AP4E1: variants seen among roughly 807,000 people sequenced by gnomAD.
AP4E1 encodes the protein adaptor related protein complex 4 subunit epsilon 1.
Under a neutral mutation model 128.2 loss-of-function variants are expected in AP4E1, and 56 were observed. The ratio of observed to expected loss-of-function variants is 0.44; its 90% confidence interval spans 0.35 to 0.55. The LOEUF is 0.55. AP4E1 is among the 20% of genes least tolerant of loss of function. The pLI, the probability that AP4E1 is intolerant of heterozygous loss-of-function variation, is 0.00. For missense variants in AP4E1, 1,324 were observed against 1,307.7 expected (o/e 1.01, Z -0.19); for synonymous variants, 484 against 473.1 (o/e 1.02, Z -0.30).
Position 50,908,852 on chromosome 15 carries a change from C to T in AP4E1, c.74C>T (p.Pro25Leu), listed in dbSNP as rs756152684. ...LFLQNQPGGG[P>L]AAAKASFSSR... ...CTGCAGAACCAGCCCGGTGGTGGGC[C>T]CGCGGCCGCCAAGGCGTCCTTCTCC... The change falls in exon 1 of 21, where the codon CCC becomes CTC. Residue 25 changes from proline to leucine, a missense_variant. Transcript: ENST00000261842. 7.5e-6 allele frequency: 12 copies of T among 1,608,346 alleles called. No individual in the cohort carries two copies. Among genetic ancestry groups the T allele is most frequent in the Non-Finnish European group, 1.0e-5 (12 of 1,178,444 alleles).
chr15:50,908,854 G>A lies in AP4E1; in HGVS notation c.76G>A (p.Ala26Thr). ...FLQNQPGGGP[A>T]AAKASFSSRL... ...GCAGAACCAGCCCGGTGGTGGGCCC[G>A]CGGCCGCCAAGGCGTCCTTCTCCTC... Residue 26 changes from alanine (A) to threonine (T), a missense_variant, in exon 1 of 21, where the codon GCG becomes ACG. Transcript: ENST00000261842. The A allele has an allele frequency of 6.2e-7, 1 of 1,608,440 alleles. No individual in the cohort carries two copies. The highest frequency in any genetic ancestry group is 8.5e-7 in the Non-Finnish European group (1 of 1,178,434).
intron 16 of AP4E1, among the ~76,000 whole-genome samples, chr15:50,988,448 G>A (rs1174594844): frequency 3.3e-5 from 5 of 152,044 alleles, no homozygotes; most frequent in African/African-American, 9.7e-5. Flanking sequence ...CCGAGTAGCT[G>A]GGATTACAGG....
chr15:50,989,691 C>T (rs1023191586), intron 16 of AP4E1, among the ~76,000 whole-genome samples: 2 of 152,052 alleles, frequency 1.3e-5, no homozygotes, highest in African/African-American at 4.8e-5. Context: ...CACACTTTTA[C>T]CTGCACAACA....
At chr15:50,944,812 A>G in intron 10 of AP4E1, 1 of 701,536 alleles carries the variant, frequency 1.4e-6, no homozygotes. Context: ...ACCAAAATGG[A>G]ATGAGTATTT....
intron 17 of AP4E1, among the ~76,000 whole-genome samples, chr15:50,995,543 G>A (rs753207291): frequency 5.9e-5 from 9 of 151,666 alleles, no homozygotes; most frequent in South Asian, 2.1e-4. Context: ...GTGCCACCAC[G>A]CCGAGCTCAT....
intron 11 of AP4E1, among the ~76,000 whole-genome samples, chr15:50,949,489 C>T (rs1350720032): frequency 1.3e-5 from 2 of 150,846 alleles, no homozygotes; most frequent in Non-Finnish European, 1.5e-5. Context: ...TATTTAGCTT[C>T]TTTGAAGTGA....
chr15:50,989,811 A>G (rs1412225592), intron 16 of AP4E1, among the ~76,000 whole-genome samples: 1 of 152,228 alleles, frequency 6.6e-6, no homozygotes, highest in East Asian at 1.9e-4. Context: ...GACATTTGGC[A>G]AAACTGCTAA....
At chr15:50,939,298 C>A (rs1322828420) in intron 8 of AP4E1, among the ~76,000 whole-genome samples, 2 of 151,994 alleles carry the variant, frequency 1.3e-5, no homozygotes, top group Non-Finnish European at 2.9e-5. Context: ...CATGGTGAAA[C>A]CCTGTCTCTA....
At chr15:50,963,142 T>C (rs1006734917) in intron 14 of AP4E1, among the ~76,000 whole-genome samples, 1 of 152,016 alleles carries the variant, frequency 6.6e-6, no homozygotes, top group African/African-American at 2.4e-5. Flanking sequence ...GCACTGTTAG[T>C]AGGAATGTAA....
In AP4E1 at chr15:50,912,143, A is replaced by G; in HGVS notation, c.216A>G (p.Thr72=). The part of the protein sequence containing the change: ...SLKATVSAPT[T]TLKMMKECMV... ...AAGCGACTGTTTCTGCTCCTACTAC[A>G]ACACTGGTAGGTTTGCATAGTCAGT... Residue 72 remains threonine, a synonymous_variant, in exon 2 of 21, where the codon ACA becomes ACG. Transcript: ENST00000261842. 6.2e-7 allele frequency: 1 copy of G among 1,613,552 alleles called. No individual in the cohort carries two copies. Among genetic ancestry groups the G allele is most frequent in the African/African-American group, 1.3e-5 (1 of 75,050 alleles).
chr15:50,968,585 T>C (rs1298440291), intron 15 of AP4E1, among the ~76,000 whole-genome samples: 1 of 152,202 alleles, frequency 6.6e-6, no homozygotes, highest in Non-Finnish European at 1.5e-5. Flanking sequence ...ATAGGCTCTC[T>C]ATCCACAAAT....
chr15:50,974,949 A>G (rs1352819695), intron 15 of AP4E1, among the ~76,000 whole-genome samples: 1 of 150,758 alleles, frequency 6.6e-6, no homozygotes, highest in Admixed American at 6.6e-5. Flanking sequence ...GTTTGCAAAT[A>G]TTTTCTCCTA....
chr15:50,968,395 TATG>T lies in AP4E1; in HGVS notation c.1966+21_1966+23del. ...GGAAAAAGGTAATTTTTCATGGATT[TATG>T]ATAAGCTAGAGTGTAGGGATGTAAT... On this transcript the variant is annotated intron_variant, in intron 15 of 20. Coordinates refer to ENST00000261842, the MANE Select transcript of AP4E1 (RefSeq NM_007347.5). 6.4e-7 allele frequency: 1 copy of T among 1,553,054 alleles called. No individual in the cohort carries two copies. The highest frequency in any genetic ancestry group is 1.4e-5 in the African/African-American group (1 of 73,582).
chr15:50,976,624 A>G (rs902191056), intron 15 of AP4E1, among the ~76,000 whole-genome samples: 1 of 152,226 alleles, frequency 6.6e-6, no homozygotes, highest in African/African-American at 2.4e-5. Flanking sequence ...AGAAAACCCT[A>G]AATTAGACTC....
rs531846501 is a variant in AP4E1, at chr15:50,968,308, C to G, written c.1897C>G (p.Leu633Val). 2 of 1,613,670 alleles carry G rather than the reference C, an allele frequency of 1.2e-6. No homozygotes were observed. The highest frequency in any genetic ancestry group is 2.2e-5 in the South Asian group (2 of 91,044). Residue 633 changes from leucine (L) to valine (V), a missense_variant, in exon 15 of 21, where the codon CTC becomes GTC. By Grantham distance (32) the Leu-to-Val change is conservative. Transcript: ENST00000261842. ...TCTGGATGGTTTTGTGGCTGAAGGACTCAGTCAGGGTGCAGCGCCTTACAA... is the reference window on the plus strand; with the variant it reads ...TCTGGATGGTTTTGTGGCTGAAGGAGTCAGTCAGGGTGCAGCGCCTTACAA... ...SFLDGFVAEG[L>V]SQGAAPYKPP... is the part of the protein sequence containing the mutation.
intron 3 of AP4E1, among the ~76,000 whole-genome samples, chr15:50,918,284 T>G (rs2063653644): frequency 6.6e-6 from 1 of 152,152 alleles, no homozygotes; most frequent in Non-Finnish European, 1.5e-5. Context: ...TGAAACTACC[T>G]GGGAACCTGT....
At position 50,941,732 on chromosome 15, in the gene AP4E1, T is replaced by C. The variant is rs2063991596; in HGVS notation, c.1133T>C (p.Ile378Thr). 10 of 1,613,080 alleles carry C rather than the reference T, an allele frequency of 6.2e-6. No homozygotes were observed. The highest frequency in any genetic ancestry group is 1.3e-5 in the African/African-American group (1 of 74,882). ...PTLALQHQMT[I>T]IECLDHPDPI... is the part of the protein sequence containing the mutation. ...CTGGCTCTTCAACACCAGATGACAA[T>C]AATTGAATGTTTAGATCATCCTGAT... The change falls in exon 10 of 21, where the codon ATA becomes ACA. Residue 378 changes from isoleucine to threonine, a missense_variant. By Grantham distance (89) the Ile-to-Thr change is moderately conservative. Coordinates refer to ENST00000261842, the MANE Select transcript of AP4E1 (RefSeq NM_007347.5).
Position 50,960,544 on chromosome 15 carries a change from TAAG to T in AP4E1, c.1851+1756_1851+1758del, listed in dbSNP as rs544345931. Among the ~76,000 whole-genome samples the T allele has an allele frequency of 9.2e-5, 14 of 152,146 alleles. No homozygotes were observed. In the East Asian group the frequency reaches 2.7e-3, roughly 29 times the overall value. On this transcript the variant is annotated intron_variant, in intron 14 of 20. Transcript: ENST00000261842. ...GTGATGATTAGGTCAGTGAAGAAAT[TAAG>T]AAGAAAATGAAAAAATTTCTTGAAT...
intron 16 of AP4E1, 41 bp downstream of exon 16, chr15:50,984,186 T>G: frequency 6.2e-7 from 1 of 1,609,496 alleles, no homozygotes; most frequent in Non-Finnish European, 8.5e-7. Context: ...ATGGGAGTGC[T>G]TAAATGTCTT....
Sources: allele counts gnomAD v4.1 joint callset (sites outside exome capture counted in the v4.1 genomes callset), GRCh38; gene constraint gnomAD v4.1.1; transcripts MANE v1.5; gene names NCBI Gene and HGNC (gene_info 2026-07-23, HGNC 2026-07-21).